The following RUVBL1 variants were observed in gnomAD, a reference collection of about 807,000 sequenced individuals.
RUVBL1 encodes the protein ruvB-like 1.
A neutral mutation model predicts 52.4 loss-of-function variants in RUVBL1; 4 were observed. The ratio of observed to expected loss-of-function variants is 0.08; its 90% CI spans 0.04 to 0.17. The LOEUF (loss-of-function observed/expected upper bound fraction) is 0.17, where lower values mean the gene tolerates loss of function less well. Ranked by LOEUF, RUVBL1 falls within the 10% of genes least tolerant of loss-of-function variation. The pLI is 1.00. For synonymous variants in RUVBL1, 217 were observed against 214.4 expected, an observed-to-expected ratio of 1.01 and a Z score of -0.10; for missense variants, 298 against 572.8, an observed-to-expected ratio of 0.52 and a Z score of 4.90.
chr3:128,068,080 C>T (rs1336107745), intron 9 of RUVBL1: 3 of 1,598,460 alleles, frequency 1.9e-6, no homozygotes, highest in African/African-American at 2.7e-5. Flanking sequence ...GCCCCAGGTC[C>T]CCAACCTCCC....
chr3:128,112,573 A>G (rs1024518815), intron 3 of RUVBL1, among the ~76,000 whole-genome samples: 1 of 152,222 alleles, frequency 6.6e-6, no homozygotes, highest in African/African-American at 2.4e-5. Flanking sequence ...TTCAGTGGAT[A>G]GTCATCTCTA....
Position 128,082,636 on chromosome 3 carries a change from G to T in RUVBL1, c.1120-62C>A. The T allele has an allele frequency of 7.8e-7, 1 of 1,284,356 alleles. No homozygotes were observed. The highest frequency in any genetic ancestry group is 1.1e-6 in the Non-Finnish European group (1 of 903,630). The allele number at this position is 1,284,356 out of a possible 1,614,324, so 79.6% of individuals were successfully genotyped here. ...ACCTCAAGTGCCCCATTTCTAAAGTGCTTTAAAGACAATGTTGCTCAGATT... is the reference window on the plus strand; with the variant it reads ...ACCTCAAGTGCCCCATTTCTAAAGTTCTTTAAAGACAATGTTGCTCAGATT... On this transcript the variant is annotated intron_variant, in intron 9 of 10. Transcript: ENST00000322623. This position sits in a 1 kb window ranked among gnomAD's most constrained non-coding sequence, Gnocchi z 4.7.
At chr3:128,140,795 T>C (rs1559836886) in intron 1 of RUVBL1, among the ~76,000 whole-genome samples, 1 of 152,184 alleles carries the variant, frequency 6.6e-6, no homozygotes, top group Non-Finnish European at 1.5e-5. Flanking sequence ...TAATTGATAT[T>C]CAATATTCAG....
intron 1 of RUVBL1, among the ~76,000 whole-genome samples, chr3:128,122,459 T>C (rs978973465): frequency 7.9e-5 from 12 of 152,236 alleles, no homozygotes; most frequent in African/African-American, 2.9e-4. Flanking sequence ...ACGTTGGATA[T>C]GACAAGGCAG....
chr3:128,137,813 A>C (rs1337228524), intron 1 of RUVBL1, among the ~76,000 whole-genome samples: 2 of 152,238 alleles, frequency 1.3e-5, no homozygotes, highest in Non-Finnish European at 2.9e-5. Context: ...AGCAATGTGA[A>C]TTCAACAACA....
chr3:128,066,194 C>T (rs1465878911), intron 9 of RUVBL1, among the ~76,000 whole-genome samples: 2 of 152,056 alleles, frequency 1.3e-5, no homozygotes, highest in Non-Finnish European at 2.9e-5. Context: ...ATTAAAAACA[C>T]TGTAAGGAAC....
In RUVBL1 at chr3:128,082,073, T is replaced by C; in HGVS notation, c.1211+410A>G. On this transcript the variant is annotated intron_variant, in intron 10 of 10. Coordinates refer to ENST00000322623, the MANE Select transcript of RUVBL1 (RefSeq NM_003707.3). This position sits in a 1 kb window ranked among gnomAD's most constrained non-coding sequence, Gnocchi z 4.7. ...ATATCCACCACCCAGACATTTTTTA[T>C]TTGCTTGATGGTTAAATAAATCAAA... 1 of 173,840 alleles carries C rather than the reference T, an allele frequency of 5.8e-6. No homozygotes were observed. The highest frequency in any genetic ancestry group is 1.7e-4 in the East Asian group (1 of 5,724). The allele number at this position is 173,840 out of a possible 1,614,324, so 10.8% of individuals were successfully genotyped here. A position where few individuals can be genotyped will look rare whatever the true frequency, so the allele number is the denominator to read the frequency against.
intron 8 of RUVBL1, among the ~76,000 whole-genome samples, chr3:128,092,608 A>G (rs1942870383): frequency 6.6e-6 from 1 of 152,216 alleles, no homozygotes; most frequent in South Asian, 2.1e-4. Context: ...AAGACGCTCA[A>G]CATCCTTAGT....
chr3:128,119,154 G>C (rs965801947), intron 2 of RUVBL1, among the ~76,000 whole-genome samples, 174 bp downstream of exon 2: 2 of 152,172 alleles, frequency 1.3e-5, no homozygotes, highest in African/African-American at 4.8e-5. Context: ...AGGATAATTT[G>C]AATTTTAGAA....
chr3:128,116,265 G>A (rs1943519961), intron 2 of RUVBL1, among the ~76,000 whole-genome samples: 1 of 152,026 alleles, frequency 6.6e-6, no homozygotes, highest in South Asian at 2.1e-4. Flanking sequence ...TGGGGGCCAG[G>A]CACAGTGGCT....
intron 2 of RUVBL1, among the ~76,000 whole-genome samples, chr3:128,115,030 G>A (rs1423225753): frequency 1.3e-5 from 2 of 151,948 alleles, no homozygotes; most frequent in African/African-American, 4.8e-5. Flanking sequence ...CTTCATGTGT[G>A]TCTCGTTTCC....
intron 9 of RUVBL1, among the ~76,000 whole-genome samples, chr3:128,072,295 G>A (rs1012054538): frequency 1.3e-5 from 2 of 152,214 alleles, no homozygotes; most frequent in African/African-American, 4.8e-5. Flanking sequence ...CCACCACCTG[G>A]GCCTGGTGCT....
At chr3:128,088,724 T>A (rs137932154) in intron 8 of RUVBL1, among the ~76,000 whole-genome samples, 1 of 152,138 alleles carries the variant, frequency 6.6e-6, no homozygotes, top group Non-Finnish European at 1.5e-5. Context: ...CACCTCAGCC[T>A]CCCGAGTAGC....
chr3:128,084,236 A>C (rs1222300616), intron 9 of RUVBL1: 1 of 152,500 alleles, frequency 6.6e-6, no homozygotes, highest in East Asian at 1.9e-4. Flanking sequence ...TAGCTTATGC[A>C]GGAGGGGCTT....
chr3:128,085,562 T>C (rs1332992613), intron 9 of RUVBL1, among the ~76,000 whole-genome samples: 1 of 152,238 alleles, frequency 6.6e-6, no homozygotes, highest in East Asian at 1.9e-4. Flanking sequence ...CCCCCGGCCA[T>C]TGACACCATC....
chr3:128,125,749 C>T (rs1402115941), upstream of RUVBL1, among the ~76,000 whole-genome samples: 1 of 152,214 alleles, frequency 6.6e-6, no homozygotes. Context: ...GCATGTGGTT[C>T]ATCAGCACTA....
chr3:128,121,561 T>G (rs1943648535), intron 1 of RUVBL1, among the ~76,000 whole-genome samples: 1 of 151,316 alleles, frequency 6.6e-6, no homozygotes, highest in African/African-American at 2.4e-5. Flanking sequence ...TATACAAAAA[T>G]TAGCCGAGCG....
chr3:128,135,244 A>G (rs1458182635), intron 1 of RUVBL1, among the ~76,000 whole-genome samples: 1 of 152,100 alleles, frequency 6.6e-6, no homozygotes, highest in Non-Finnish European at 1.5e-5. Flanking sequence ...TGAAAGTGCT[A>G]AAGGAAGGCT....
intron 1 of RUVBL1, among the ~76,000 whole-genome samples, chr3:128,139,303 G>T (rs776327925): frequency 1.3e-5 from 2 of 151,872 alleles, no homozygotes; most frequent in African/African-American, 2.4e-5. Flanking sequence ...ACCTGACAAG[G>T]GATTAATAAC....
Sources: allele counts gnomAD v4.1 joint callset (sites outside exome capture counted in the v4.1 genomes callset), GRCh38; gene constraint gnomAD v4.1.1; non-coding constraint Gnocchi (gnomAD v3.1); transcripts MANE v1.5; gene names NCBI Gene and HGNC (gene_info 2026-07-23, HGNC 2026-07-21).